Variants in DACH1 observed in about 807,000 individuals in gnomAD.
DACH1 encodes dachshund family transcription factor 1, also known as dachshund homolog 1.
In DACH1, 12 loss-of-function variants were observed where a neutral mutation model predicts 54.2. The ratio of observed to expected loss-of-function variants is 0.22; its 90% CI spans 0.14 to 0.36. The LOEUF is 0.36. DACH1 is among the 10% of genes least tolerant of loss of function. The pLI is 1.00. For missense variants in DACH1, 805 were observed against 929.8 expected, an observed-to-expected ratio of 0.87 and a Z score of 1.75; for synonymous variants, 386 against 366.2, an observed-to-expected ratio of 1.05 and a Z score of -0.62.
chr13:71,855,483 A>G (rs1873942908), intron 1 of DACH1, among the ~76,000 whole-genome samples: 1 of 152,042 alleles, frequency 6.6e-6, no homozygotes, highest in Non-Finnish European at 1.5e-5. Context: ...CATTTATATC[A>G]GTTATCCATT....
At chr13:71,771,315 GGATAAATAAATA>G (rs147998801) in intron 1 of DACH1, among the ~76,000 whole-genome samples, 20,027 of 140,868 alleles carry the variant, frequency 0.14, 3,149 homozygotes, top group East Asian at 0.82. Flanking sequence ...AGAAGCAAAA[GGATAAATAAATA>G]AATAAATAAA....
intron 10 of DACH1, among the ~76,000 whole-genome samples, chr13:71,441,338 T>A (rs1038732100): frequency 6.6e-6 from 1 of 152,034 alleles, no homozygotes; most frequent in African/African-American, 2.4e-5. Context: ...AATCAAATCT[T>A]AGAGACATCG....
At chr13:71,549,297 ATAT>A (rs1883655222) in intron 6 of DACH1, among the ~76,000 whole-genome samples, 1 of 152,162 alleles carries the variant, frequency 6.6e-6, no homozygotes, top group African/African-American at 2.4e-5. Flanking sequence ...TGCTTTAAAA[ATAT>A]TATCTATTTG....
intron 4 of DACH1, among the ~76,000 whole-genome samples, chr13:71,561,626 T>C (rs1884590802): frequency 6.6e-6 from 1 of 152,058 alleles, no homozygotes; most frequent in South Asian, 2.1e-4. Flanking sequence ...TGAGAGACAA[T>C]AAATTTCTGT....
chr13:71,467,915 G>C (rs1876735395), intron 10 of DACH1, among the ~76,000 whole-genome samples: 1 of 152,102 alleles, frequency 6.6e-6, no homozygotes. Flanking sequence ...ATTTCTAAAT[G>C]ACTAATCAAT....
intron 6 of DACH1, among the ~76,000 whole-genome samples, chr13:71,527,484 CATGAGG>C (rs1421915379): frequency 1.3e-5 from 2 of 152,148 alleles, no homozygotes; most frequent in East Asian, 3.9e-4. Context: ...ACTAAGATGG[CATGAGG>C]ATGCCATAGT....
At chr13:71,830,414 C>T (rs1215233630) in intron 1 of DACH1, among the ~76,000 whole-genome samples, 2 of 151,854 alleles carry the variant, frequency 1.3e-5, no homozygotes, top group African/African-American at 4.8e-5. Flanking sequence ...AATAATAGAA[C>T]TTGTCTGGAT....
intron 1 of DACH1, among the ~76,000 whole-genome samples, chr13:71,804,458 T>C (rs1887414098): frequency 6.6e-6 from 1 of 152,174 alleles, no homozygotes; most frequent in Non-Finnish European, 1.5e-5. Context: ...GGCCACTTTA[T>C]AACCTCCTAT....
At chr13:71,658,271 C>T (rs909562754) in intron 2 of DACH1, among the ~76,000 whole-genome samples, 30 of 152,090 alleles carry the variant, frequency 2.0e-4, no homozygotes, top group African/African-American at 6.5e-4. Flanking sequence ...AATTGATGGC[C>T]AGGCTCTGTG....
At chr13:71,698,310 A>T (rs1305734409) in intron 1 of DACH1, among the ~76,000 whole-genome samples, 1 of 152,224 alleles carries the variant, frequency 6.6e-6, no homozygotes, top group Non-Finnish European at 1.5e-5. Context: ...AAAGATTTAC[A>T]ATTTCACTAG....
At chr13:71,681,754 G>A (rs1323926410) in intron 2 of DACH1, 41 bp downstream of exon 2, 9 of 1,464,986 alleles carry the variant, frequency 6.1e-6, no homozygotes, top group Non-Finnish European at 7.6e-6. Flanking sequence ...GACATTGGCT[G>A]ATTTTTAATA....
At position 71,603,380 on chromosome 13, in the gene DACH1, C is replaced by CA. The variant is rs1874644760; in HGVS notation, c.1126+27175dup. ...GTATTTTAATGACATACTTTCTACT[C>CA]AAAGAAGTGTGCCTACACCACAGGT... On this transcript the variant is annotated intron_variant, in intron 3 of 10. Transcript: ENST00000613252. Among the ~76,000 whole-genome samples the CA allele has an allele frequency of 2.0e-5, 3 of 152,102 alleles. No individual in the cohort carries two copies. The South Asian group carries it at 6.2e-4, about 32-fold the overall frequency.
intron 6 of DACH1, among the ~76,000 whole-genome samples, chr13:71,548,561 G>C (rs372092160): frequency 6.6e-6 from 1 of 152,092 alleles, no homozygotes; most frequent in East Asian, 1.9e-4. Context: ...AAATTAAAAT[G>C]TGCAAAATAA....
chr13:71,479,463 A>C, intron 7 of DACH1, 147 bp from the exon 8 acceptor site: 1 of 651,066 alleles, frequency 1.5e-6, no homozygotes, highest in Non-Finnish European at 2.5e-6. Context: ...AACAAATACT[A>C]TAACTAAAGC....
At chr13:71,851,971 C>T (rs1873698323) in intron 1 of DACH1, among the ~76,000 whole-genome samples, 1 of 152,102 alleles carries the variant, frequency 6.6e-6, no homozygotes, top group Non-Finnish European at 1.5e-5. Flanking sequence ...TGTACAATCT[C>T]CGCCTAGTTA....
Position 71,567,693 on chromosome 13 carries a change from A to G in DACH1, c.1299+5147T>C, listed in dbSNP as rs192043275. ...GGGTAGTGCTGTTATTACATAAAAT[A>G]CAAATATATTAAATAATTTGTCTAT... On this transcript the variant is annotated intron_variant, in intron 4 of 10. Transcript: ENST00000613252. 5.9e-5 allele frequency among the ~76,000 whole-genome samples: 9 copies of G among 152,164 alleles called. No homozygotes were observed. The East Asian group carries it at 1.7e-3, about 29-fold the overall frequency.
At chr13:71,727,530 TA>T (rs1226764624) in intron 1 of DACH1, among the ~76,000 whole-genome samples, 1 of 152,150 alleles carries the variant, frequency 6.6e-6, no homozygotes, top group Non-Finnish European at 1.5e-5. Flanking sequence ...GCATTGATGA[TA>T]TTTCCCTATT....
At chr13:71,530,134 A>G (rs781411569) in intron 6 of DACH1, among the ~76,000 whole-genome samples, 2 of 152,216 alleles carry the variant, frequency 1.3e-5, no homozygotes, top group Non-Finnish European at 2.9e-5. Flanking sequence ...AATGAGTAAC[A>G]CAACACCATC....
At chr13:71,515,591 C>CA (rs141330734) in intron 6 of DACH1, among the ~76,000 whole-genome samples, 55 of 152,006 alleles carry the variant, frequency 3.6e-4, no homozygotes, top group African/African-American at 1.2e-3. Context: ...AACCCTCCAA[C>CA]AATATCTCTG....
Sources: allele counts gnomAD v4.1 joint callset (sites outside exome capture counted in the v4.1 genomes callset), GRCh38; gene constraint gnomAD v4.1.1; transcripts MANE v1.5; gene names NCBI Gene and HGNC (gene_info 2026-07-23, HGNC 2026-07-21).